Variants in RSRC1 observed in about 807,000 individuals in gnomAD.
RSRC1 encodes the protein arginine and serine rich coiled-coil 1.
In RSRC1, 39 loss-of-function variants were observed where a neutral mutation model predicts 49.1. The ratio of observed to expected loss-of-function variants is 0.79; its 90% CI spans 0.61 to 1.04. The LOEUF (loss-of-function observed/expected upper bound fraction) is 1.04. RSRC1 is among the 50% of genes least tolerant of loss of function. The probability of loss-of-function intolerance (pLI) is 0.00; values close to 1 mark genes in which losing one functional copy is unlikely to be tolerated. For missense variants in RSRC1, 388 were observed against 402.4 expected (o/e 0.96, Z 0.31); for synonymous variants, 143 against 130.8 (o/e 1.09, Z -0.63).
chr3:158,327,127 CTT>C (rs1729205585), intron 5 of RSRC1, among the ~76,000 whole-genome samples: 10 of 152,100 alleles, frequency 6.6e-5, no homozygotes, highest in Admixed American at 6.6e-4. Flanking sequence ...ATTCTTCTCT[CTT>C]CTTTATTAGT....
At chr3:158,406,642 GT>G (rs1487037604) in intron 6 of RSRC1, among the ~76,000 whole-genome samples, 2 of 152,066 alleles carry the variant, frequency 1.3e-5, no homozygotes, top group Non-Finnish European at 2.9e-5. Flanking sequence ...TTTAATTAGA[GT>G]AATCAGAAAC....
intron 4 of RSRC1, among the ~76,000 whole-genome samples, chr3:158,275,331 A>G (rs1341687365): frequency 6.6e-6 from 1 of 152,170 alleles, no homozygotes; most frequent in Non-Finnish European, 1.5e-5. Context: ...TCTAAATATA[A>G]TCATGACATA....
At chr3:158,477,621 CTT>C (rs1471932688) in intron 7 of RSRC1, among the ~76,000 whole-genome samples, 1 of 151,522 alleles carries the variant, frequency 6.6e-6, no homozygotes, top group Admixed American at 6.6e-5. Context: ...GTAAACATAA[CTT>C]TTATATGCAC....
intron 6 of RSRC1, among the ~76,000 whole-genome samples, chr3:158,376,689 A>C (rs970824665): frequency 1.3e-5 from 2 of 152,108 alleles, no homozygotes; most frequent in African/African-American, 4.8e-5. Context: ...TGTGGTGTCA[A>C]GTGTTTTGAA....
chr3:158,126,373 A>G (rs781101952), intron 3 of RSRC1, among the ~76,000 whole-genome samples: 14 of 150,990 alleles, frequency 9.3e-5, no homozygotes, highest in Non-Finnish European at 1.9e-4. Context: ...TTTATTTTGT[A>G]TATGTTCTAT....
intron 4 of RSRC1, among the ~76,000 whole-genome samples, chr3:158,256,536 G>A (rs1267653439): frequency 6.6e-6 from 1 of 151,364 alleles, no homozygotes. Context: ...TGTTGTTGTT[G>A]TTGTTGTGTC....
At chr3:158,488,200 A>G (rs1738910283) in intron 7 of RSRC1, among the ~76,000 whole-genome samples, 1 of 152,048 alleles carries the variant, frequency 6.6e-6, no homozygotes, top group African/African-American at 2.4e-5. Context: ...CTTTTTATAT[A>G]TGTGCAAGGG....
At chr3:158,542,697 G>GT (rs1239497045) in intron 8 of RSRC1, among the ~76,000 whole-genome samples, 2 of 152,164 alleles carry the variant, frequency 1.3e-5, no homozygotes, top group African/African-American at 4.8e-5. Context: ...ATTGCTAATG[G>GT]TATGAGGTTT....
At chr3:158,508,173 G>A (rs1739957558) in intron 7 of RSRC1, among the ~76,000 whole-genome samples, 1 of 152,132 alleles carries the variant, frequency 6.6e-6, no homozygotes, top group Non-Finnish European at 1.5e-5. Context: ...AATGAGGATA[G>A]TTTAAATGGT....
chr3:158,161,662 TGAGGCAGGAGAATCGCTTGAACCTGG>T (rs1188447913), intron 3 of RSRC1, among the ~76,000 whole-genome samples: 15 of 152,284 alleles, frequency 9.9e-5, no homozygotes, highest in Admixed American at 8.5e-4. Context: ...CTTGGGAGGC[TGAGGCAGGAGAATCGCTTGAACCTGG>T]GAGGCAGAGG....
chr3:158,186,544 G>A (rs977478958), intron 3 of RSRC1, among the ~76,000 whole-genome samples: 3 of 151,972 alleles, frequency 2.0e-5, no homozygotes, highest in Admixed American at 1.3e-4. Flanking sequence ...ATTATCTGGT[G>A]TGAAAATTTA....
At chr3:158,195,318 A>G (rs1265976036) in intron 3 of RSRC1, among the ~76,000 whole-genome samples, 120 of 147,844 alleles carry the variant, frequency 8.1e-4, no homozygotes, top group African/African-American at 2.3e-3. Flanking sequence ...GTCTGTTCAT[A>G]TCCTTTGCCC....
intron 3 of RSRC1, among the ~76,000 whole-genome samples, chr3:158,146,443 G>A (rs1046249065): frequency 1.6e-4 from 24 of 152,192 alleles, no homozygotes; most frequent in East Asian, 3.9e-4. Flanking sequence ...ATTGATTTGC[G>A]TATGTTGAAC....
At chr3:158,250,159 T>C (rs1333719603) in intron 4 of RSRC1, among the ~76,000 whole-genome samples, 1 of 152,234 alleles carries the variant, frequency 6.6e-6, no homozygotes, top group African/African-American at 2.4e-5. Flanking sequence ...TTCATTTTTA[T>C]GATTATATAG....
chr3:158,263,279 C>T (rs967507204), intron 4 of RSRC1, among the ~76,000 whole-genome samples: 8 of 152,116 alleles, frequency 5.3e-5, no homozygotes, highest in Non-Finnish European at 1.2e-4. Context: ...ACTACTGAAA[C>T]GATTATACTG....
At chr3:158,194,224 C>G (rs868072161) in intron 3 of RSRC1, among the ~76,000 whole-genome samples, 1 of 151,158 alleles carries the variant, frequency 6.6e-6, no homozygotes, top group Non-Finnish European at 1.5e-5. Context: ...CAGTAAGATA[C>G]GATCATCCTG....
intron 7 of RSRC1, among the ~76,000 whole-genome samples, chr3:158,532,673 A>G (rs1684346738): frequency 6.6e-6 from 1 of 151,818 alleles, no homozygotes; most frequent in Admixed American, 6.6e-5. Context: ...TTCTGAGTCT[A>G]TTATTTTTTA....
At chr3:158,351,257 G>A (rs534569694) in intron 5 of RSRC1, among the ~76,000 whole-genome samples, 4 of 152,270 alleles carry the variant, frequency 2.6e-5, no homozygotes. Flanking sequence ...GATTTGAGGA[G>A]CAGGTCACTG....
At chr3:158,300,793 C>G (rs1014404414) in intron 5 of RSRC1, among the ~76,000 whole-genome samples, 1 of 152,040 alleles carries the variant, frequency 6.6e-6, no homozygotes, top group Admixed American at 6.6e-5. Context: ...GAGCATTGTT[C>G]TAAGGGGGTA....
Sources: gnomAD v4.1 joint callset for allele counts (sites outside exome capture counted in the v4.1 genomes callset) on GRCh38, gnomAD v4.1.1 for gene constraint, MANE v1.5 for transcripts, NCBI Gene and HGNC (gene_info 2026-07-23, HGNC 2026-07-21) for gene names.